PCSK5: variants seen among roughly 807,000 people sequenced by gnomAD.
PCSK5 encodes the protein prohormone convertase 5.
Under a neutral mutation model 233.2 loss-of-function variants are expected in PCSK5, and 129 were observed. That is an observed-to-expected ratio of 0.55 (90% CI 0.48 to 0.64). The LOEUF is 0.64. Among genes scored for constraint, PCSK5 ranks in the 30% least tolerant of loss-of-function variants. The probability of loss-of-function intolerance (pLI) is 0.00; values close to 1 mark genes in which losing one functional copy is unlikely to be tolerated. For synonymous variants in PCSK5, 825 were observed against 879.2 expected (o/e 0.94, Z 1.09); for missense variants, 2,076 against 2,430.1 (o/e 0.85, Z 3.06).
chr9:75,927,505 C>T (rs140926705), intron 1 of PCSK5, among the ~76,000 whole-genome samples: 148 of 152,210 alleles, frequency 9.7e-4, no homozygotes, highest in Non-Finnish European at 1.7e-3. Flanking sequence ...ATTCCTTAGT[C>T]TTGGGTAAAC....
chr9:76,345,346 C>T (rs1829949519), intron 35 of PCSK5, among the ~76,000 whole-genome samples: 2 of 152,104 alleles, frequency 1.3e-5, no homozygotes, highest in South Asian at 2.1e-4. Context: ...GATATTCATG[C>T]CTCAGCCTCT....
At chr9:75,983,889 G>C (rs1053381518) in intron 2 of PCSK5, among the ~76,000 whole-genome samples, 1 of 152,030 alleles carries the variant, frequency 6.6e-6, no homozygotes, top group South Asian at 2.1e-4. Context: ...GAAACCTTCC[G>C]ATCCAAGAGG....
intron 5 of PCSK5, among the ~76,000 whole-genome samples, chr9:76,037,859 C>T (rs1276177311): frequency 2.0e-5 from 3 of 152,118 alleles, no homozygotes; most frequent in Non-Finnish European, 2.9e-5. Flanking sequence ...GGAGAATCCC[C>T]GCCAATTCTC....
chr9:75,990,541 G>T (rs1206592771), intron 3 of PCSK5, among the ~76,000 whole-genome samples: 1 of 152,210 alleles, frequency 6.6e-6, no homozygotes, highest in Non-Finnish European at 1.5e-5. Flanking sequence ...TAGAAATTCA[G>T]TTCACTTCTT....
rs575556040 is a variant in PCSK5, at chr9:76,122,894, G to A, written c.1209-11215G>A. Among the ~76,000 whole-genome samples, 23 of 144,202 alleles carry A rather than the reference G, an allele frequency of 1.6e-4. No homozygotes were observed. The South Asian group carries it at 2.0e-3, about 13-fold the overall frequency. 94.6% of individuals were successfully genotyped at this position (144,202 alleles called of 152,430 possible). On this transcript the variant is annotated intron_variant, in intron 9 of 37. Coordinates refer to ENST00000674117, the MANE Select transcript of PCSK5 (RefSeq NM_001372043.1). ...TGCCCAGGATGGAGTGTAGTGGTGC[G>A]ATCTTGGCTCACTGCAACCTCCAAC... is the stretch of plus-strand genomic sequence containing the variant.
At chr9:75,913,646 A>G (rs1822853303) in intron 1 of PCSK5, among the ~76,000 whole-genome samples, 2 of 152,060 alleles carry the variant, frequency 1.3e-5, no homozygotes, top group Non-Finnish European at 2.9e-5. Context: ...CCATTTGAAA[A>G]CTTTCATCTC....
At chr9:76,069,674 A>AT (rs1255755862) in intron 6 of PCSK5, among the ~76,000 whole-genome samples, 1 of 152,056 alleles carries the variant, frequency 6.6e-6, no homozygotes, top group Non-Finnish European at 1.5e-5. Flanking sequence ...ATTTACAAGC[A>AT]TTTTTTCATG....
At chr9:75,908,400 A>G (rs182113864) in intron 1 of PCSK5, among the ~76,000 whole-genome samples, 3 of 152,326 alleles carry the variant, frequency 2.0e-5, no homozygotes, top group Admixed American at 2.0e-4. Flanking sequence ...CTTCCTCACA[A>G]TTGTGATGGG....
chr9:75,985,975 G>A (rs1162106495), intron 2 of PCSK5, among the ~76,000 whole-genome samples, 157 bp from the exon 3 acceptor site: 2 of 152,132 alleles, frequency 1.3e-5, no homozygotes, highest in Non-Finnish European at 2.9e-5. Flanking sequence ...GGGTTTCTAA[G>A]GAATCTCTGA....
At chr9:75,974,046 G>T (rs942360852) in intron 2 of PCSK5, among the ~76,000 whole-genome samples, 2 of 152,210 alleles carry the variant, frequency 1.3e-5, no homozygotes, top group African/African-American at 4.8e-5. Context: ...AAAGTGTCAG[G>T]CTTGATGACA....
chr9:76,182,294 TTTTTAAAAA>T (rs1306767770), intron 16 of PCSK5, among the ~76,000 whole-genome samples: 1 of 151,990 alleles, frequency 6.6e-6, no homozygotes, highest in Admixed American at 6.6e-5. Flanking sequence ...CAAAATATAC[TTTTTAAAAA>T]GTTCAAAAAA....
intron 25 of PCSK5, among the ~76,000 whole-genome samples, chr9:76,294,599 C>T (rs79817859): frequency 0.018 from 2,679 of 152,164 alleles, 67 homozygotes; most frequent in African/African-American, 0.062. Flanking sequence ...GAGCACTTAA[C>T]CCTGAGCTCC....
chr9:76,336,594 A>C (rs1163217540), intron 34 of PCSK5, among the ~76,000 whole-genome samples: 2 of 152,220 alleles, frequency 1.3e-5, no homozygotes, highest in East Asian at 3.8e-4. Context: ...CAAGTTGTCT[A>C]AATTCTCTAA....
chr9:75,996,077 T>TA (rs911970425), intron 3 of PCSK5, among the ~76,000 whole-genome samples: 6 of 152,006 alleles, frequency 3.9e-5, no homozygotes, highest in African/African-American at 1.4e-4. Flanking sequence ...AGCACCTCCT[T>TA]AAAAAAATAC....
chr9:76,016,489 C>G (rs1827954036), intron 3 of PCSK5, among the ~76,000 whole-genome samples: 1 of 152,100 alleles, frequency 6.6e-6, no homozygotes, highest in South Asian at 2.1e-4. Context: ...TGGTGTGAAC[C>G]CTGGCAGCTC....
intron 4 of PCSK5, 59 bp from the exon 5 acceptor site, chr9:76,026,902 C>G: frequency 8.9e-7 from 1 of 1,125,852 alleles, no homozygotes; most frequent in Non-Finnish European, 1.3e-6. Flanking sequence ...GCCTGTGGGT[C>G]ATTGGCTAAT....
chr9:75,931,854 A>G (rs1823818459), intron 1 of PCSK5, among the ~76,000 whole-genome samples: 1 of 152,136 alleles, frequency 6.6e-6, no homozygotes, highest in African/African-American at 2.4e-5. Flanking sequence ...TGCATAATCT[A>G]TATATTTATA....
intron 27 of PCSK5, among the ~76,000 whole-genome samples, chr9:76,300,887 T>A (rs571624320): frequency 1.3e-5 from 2 of 152,146 alleles, no homozygotes; most frequent in East Asian, 3.9e-4. Context: ...CAATAAAGTC[T>A]CGTCTACTCC....
intron 8 of PCSK5, among the ~76,000 whole-genome samples, chr9:76,096,918 T>TG (rs1185102451): frequency 6.6e-6 from 1 of 151,476 alleles, no homozygotes; most frequent in African/African-American, 2.4e-5. Context: ...TGCATTTCTT[T>TG]ATTTTTATTT....
Sources: allele counts gnomAD v4.1 joint callset (sites outside exome capture counted in the v4.1 genomes callset), GRCh38; gene constraint gnomAD v4.1.1; transcripts MANE v1.5; gene names NCBI Gene and HGNC (gene_info 2026-07-23, HGNC 2026-07-21).